ADCY2: variants seen among roughly 807,000 people sequenced by gnomAD.
ADCY2 encodes the protein adenylate cyclase 2, also known as adenylate cyclase type 2.
Under a neutral mutation model 125.2 loss-of-function variants are expected in ADCY2, and 31 were observed. The ratio of observed to expected loss-of-function variants is 0.25; its 90% CI spans 0.19 to 0.33. The LOEUF (loss-of-function observed/expected upper bound fraction) is 0.33, where lower values mean the gene tolerates loss of function less well. ADCY2 is among the 10% of genes least tolerant of loss of function. ADCY2 has a pLI of 1.00. For missense variants in ADCY2, 904 were observed against 1,418.2 expected, an observed-to-expected ratio of 0.64 and a Z score of 5.82; for synonymous variants, 512 against 548.4, an observed-to-expected ratio of 0.93 and a Z score of 0.93.
At chr5:7,558,942 C>G (rs1040871772) in intron 3 of ADCY2, among the ~76,000 whole-genome samples, 5 of 152,124 alleles carry the variant, frequency 3.3e-5, no homozygotes, top group Admixed American at 2.6e-4. Flanking sequence ...AATCCTTTCC[C>G]CATTGCTTGT....
intron 20 of ADCY2, chr5:7,798,217 G>A (rs326138): frequency 0.69 from 104,166 of 151,886 alleles, 36,026 homozygotes; most frequent in South Asian, 0.81. Flanking sequence ...GAGCAGGAGG[G>A]ATGTGCATGG....
intron 3 of ADCY2, among the ~76,000 whole-genome samples, chr5:7,621,492 G>A (rs1236056625): frequency 2.6e-5 from 4 of 152,222 alleles, no homozygotes; most frequent in African/African-American, 7.2e-5. Flanking sequence ...TATGAATAAG[G>A]GCTGTGTAGA....
At chr5:7,453,307 C>T (rs560770201) in intron 2 of ADCY2, among the ~76,000 whole-genome samples, 33 of 152,114 alleles carry the variant, frequency 2.2e-4, no homozygotes, top group Non-Finnish European at 3.7e-4. Flanking sequence ...TAGTTTTATT[C>T]TTCCACATGT....
chr5:7,785,494 C>G (rs762031264), intron 19 of ADCY2, among the ~76,000 whole-genome samples: 5 of 151,468 alleles, frequency 3.3e-5, no homozygotes, highest in African/African-American at 4.9e-5. Context: ...ACCCCTCTTG[C>G]ATTTTCTCTG....
chr5:7,804,716 G>A (rs370229926), intron 22 of ADCY2, 24 bp downstream of exon 22: 24 of 1,582,094 alleles, frequency 1.5e-5, no homozygotes, highest in East Asian at 8.9e-5. Context: ...GCCACTTAAC[G>A]GCACAGGTGA....
At chr5:7,761,479 A>G (rs1247790994) in intron 16 of ADCY2, among the ~76,000 whole-genome samples, 2 of 152,084 alleles carry the variant, frequency 1.3e-5, no homozygotes, top group South Asian at 4.1e-4. Flanking sequence ...CCATCAATAG[A>G]TAGATTGTTT....
chr5:7,774,166 C>T (rs148688556), intron 18 of ADCY2, among the ~76,000 whole-genome samples: 293 of 152,328 alleles, frequency 1.9e-3, no homozygotes, highest in African/African-American at 6.8e-3. Flanking sequence ...ACTGTGTAGA[C>T]ATTTCTTACC....
In ADCY2 at chr5:7,804,668, T is replaced by C; in HGVS notation, c.2859T>C (p.Ala953=). 6.2e-7 allele frequency: 1 copy of C among 1,614,188 alleles called. No homozygotes were observed. The highest frequency in any genetic ancestry group is 1.3e-5 in the African/African-American group (1 of 75,062). Reference sequence around the variant, plus strand: ...ACATGGCAGCAACAGGTCTGAGCGCTGTGCCCAGCCAGGAGCACTCCCAGG... The same window carrying C: ...ACATGGCAGCAACAGGTCTGAGCGCCGTGCCCAGCCAGGAGCACTCCCAGG... ...STYMAATGLS[A]VPSQEHSQEP... Residue 953 remains alanine (A), a synonymous_variant, in exon 22 of 25, where the codon GCT becomes GCC. Coordinates refer to ENST00000338316, the MANE Select transcript of ADCY2 (RefSeq NM_020546.3).
chr5:7,675,755 A>G (rs1740104030), intron 4 of ADCY2, among the ~76,000 whole-genome samples: 4 of 152,230 alleles, frequency 2.6e-5, no homozygotes, highest in Admixed American at 2.6e-4. Context: ...TAGAATGTTA[A>G]TGAAATGGTG....
intron 2 of ADCY2, among the ~76,000 whole-genome samples, chr5:7,446,773 A>T (rs1218124051): frequency 6.6e-6 from 1 of 152,160 alleles, no homozygotes; most frequent in East Asian, 1.9e-4. Flanking sequence ...TAGTCTTGCC[A>T]TGCGGTCTAT....
chr5:7,747,965 C>T (rs776561831), intron 15 of ADCY2, among the ~76,000 whole-genome samples: 1 of 152,242 alleles, frequency 6.6e-6, no homozygotes, highest in Non-Finnish European at 1.5e-5. Flanking sequence ...CCCAACTGGA[C>T]TCCTTCCGAA....
chr5:7,811,775 C>T (rs1744951003), intron 22 of ADCY2, among the ~76,000 whole-genome samples: 1 of 152,128 alleles, frequency 6.6e-6, no homozygotes. Context: ...ATCTGAGCCA[C>T]CTCTGAGATT....
At chr5:7,650,878 C>T (rs539843017) in intron 4 of ADCY2, among the ~76,000 whole-genome samples, 2 of 152,202 alleles carry the variant, frequency 1.3e-5, no homozygotes, top group East Asian at 1.9e-4. Context: ...GTTTGTAGGG[C>T]GGTTGCCCAG....
At chr5:7,533,901 G>T (rs550747573) in intron 3 of ADCY2, among the ~76,000 whole-genome samples, 53 of 152,284 alleles carry the variant, frequency 3.5e-4, no homozygotes, top group African/African-American at 1.2e-3. Context: ...AGCATTTATT[G>T]TGTGTAAATC....
intron 23 of ADCY2, among the ~76,000 whole-genome samples, chr5:7,819,831 A>G (rs1745240579): frequency 6.6e-6 from 1 of 152,346 alleles, no homozygotes; most frequent in Middle Eastern, 3.4e-3. Flanking sequence ...CTGTAGAATC[A>G]GTTGGAACCA....
chr5:7,736,156 G>T (rs980893138), intron 14 of ADCY2, among the ~76,000 whole-genome samples: 2 of 152,140 alleles, frequency 1.3e-5, no homozygotes, highest in African/African-American at 2.4e-5. Flanking sequence ...GGAAGTAGAG[G>T]CTGCAGTTAG....
intron 2 of ADCY2, among the ~76,000 whole-genome samples, chr5:7,477,537 A>C (rs1742569815): frequency 6.6e-6 from 1 of 151,846 alleles, no homozygotes; most frequent in African/African-American, 2.4e-5. Flanking sequence ...ACAGCACCTG[A>C]GAGGAAATCT....
At chr5:7,420,340 G>A (rs921946024) in intron 2 of ADCY2, among the ~76,000 whole-genome samples, 7 of 152,112 alleles carry the variant, frequency 4.6e-5, no homozygotes, top group Admixed American at 4.6e-4. Flanking sequence ...AGTGATGTTG[G>A]CAGTTTTGAT....
At chr5:7,818,353 C>CTTTTTTTTTTTTT (rs574092399) in intron 23 of ADCY2, among the ~76,000 whole-genome samples, 10 of 141,110 alleles carry the variant, frequency 7.1e-5, no homozygotes, top group Admixed American at 1.4e-4. Context: ...TTTTCTTTTT[C>CTTTTTTTTTTTTT]TTTTTTTTTT....
Sources: gnomAD v4.1 joint callset for allele counts (sites outside exome capture counted in the v4.1 genomes callset) on GRCh38, gnomAD v4.1.1 for gene constraint, MANE v1.5 for transcripts, NCBI Gene and HGNC (gene_info 2026-07-23, HGNC 2026-07-21) for gene names.